CELF4: variants seen among roughly 807,000 people sequenced by gnomAD.
The protein encoded by CELF4 is CUG-BP- and ETR-3-like factor 4.
Under a neutral mutation model 59.9 loss-of-function variants are expected in CELF4, and 18 were observed. The observed-to-expected ratio is 0.30, with a 90% CI of 0.21 to 0.45. The LOEUF (loss-of-function observed/expected upper bound fraction) is 0.45, where lower values mean the gene tolerates loss of function less well. CELF4 is among the 20% of genes least tolerant of loss of function. CELF4 has a pLI of 1.00. For synonymous variants in CELF4, 261 were observed against 267.1 expected (o/e 0.98, Z 0.22); for missense variants, 456 against 689.0 (o/e 0.66, Z 3.79).
intron 2 of CELF4, among the ~76,000 whole-genome samples, chr18:37,353,099 C>T (rs866402082): frequency 4.2e-4 from 63 of 151,682 alleles, no homozygotes; most frequent in Middle Eastern, 3.4e-3. Context: ...CACGTGCCTG[C>T]AGTCCCAGCT....
chr18:37,427,482 G>T (rs1035142711), intron 2 of CELF4, among the ~76,000 whole-genome samples: 1 of 152,132 alleles, frequency 6.6e-6, no homozygotes, highest in Non-Finnish European at 1.5e-5. Flanking sequence ...GGGGAACTGT[G>T]GGGGAAGCCA....
At chr18:37,338,402 CACT>C (rs1189820338) in intron 2 of CELF4, among the ~76,000 whole-genome samples, 1 of 149,856 alleles carries the variant, frequency 6.7e-6, no homozygotes, top group Non-Finnish European at 1.5e-5. Flanking sequence ...CCATTGTCAC[CACT>C]ATCATTGTCA....
chr18:37,248,127 GC>G (rs2063227121), intron 12 of CELF4, among the ~76,000 whole-genome samples: 1 of 151,992 alleles, frequency 6.6e-6, no homozygotes, highest in Non-Finnish European at 1.5e-5. Context: ...AGAGAAGGCT[GC>G]AAGGGCACCC....
At chr18:37,562,135 C>A (rs1241979751) in intron 1 of CELF4, among the ~76,000 whole-genome samples, 1 of 152,168 alleles carries the variant, frequency 6.6e-6, no homozygotes, top group Admixed American at 6.5e-5. Flanking sequence ...GCCTCCCCAG[C>A]CCAACAGCCT....
chr18:37,410,077 C>G (rs374446767), intron 2 of CELF4, among the ~76,000 whole-genome samples: 2 of 152,098 alleles, frequency 1.3e-5, no homozygotes, highest in African/African-American at 4.8e-5. Flanking sequence ...CTGGACTGAG[C>G]GGCTGCCACT....
intron 9 of CELF4, among the ~76,000 whole-genome samples, chr18:37,265,765 C>T (rs150817024): frequency 6.6e-6 from 1 of 152,322 alleles, no homozygotes; most frequent in African/African-American, 2.4e-5. Context: ...GCCAGCTTCA[C>T]CTCAGTCCCC....
chr18:37,389,612 G>C (rs2099135685), intron 2 of CELF4, among the ~76,000 whole-genome samples: 1 of 152,036 alleles, frequency 6.6e-6, no homozygotes, highest in African/African-American at 2.4e-5. Flanking sequence ...GGGGAGGTGG[G>C]AAGCATAGAA....
At chr18:37,274,767 C>T in intron 5 of CELF4, 38 bp downstream of exon 5, 1 of 1,537,806 alleles carries the variant, frequency 6.5e-7, no homozygotes, top group Non-Finnish European at 8.7e-7. Flanking sequence ...CTCGGCCCGC[C>T]GCTGCCCTCG....
intron 2 of CELF4, among the ~76,000 whole-genome samples, chr18:37,350,266 C>T (rs1048154036): frequency 3.3e-5 from 5 of 152,188 alleles, no homozygotes; most frequent in African/African-American, 9.7e-5. Flanking sequence ...AGACTTTCTA[C>T]GTGAACATGA....
At chr18:37,352,510 T>C (rs2098462399) in intron 2 of CELF4, among the ~76,000 whole-genome samples, 1 of 151,836 alleles carries the variant, frequency 6.6e-6, no homozygotes, top group African/African-American at 2.4e-5. Flanking sequence ...GGAGGATCCC[T>C]TGAGGCCAGG....
intron 2 of CELF4, chr18:37,474,002 A>T (rs2099841668): frequency 2.6e-5 from 4 of 152,238 alleles, no homozygotes; most frequent in Non-Finnish European, 5.9e-5. Flanking sequence ...TCCCGATAGA[A>T]GGGACAGAGG....
intron 1 of CELF4, among the ~76,000 whole-genome samples, chr18:37,499,517 G>T (rs1440849614): frequency 6.6e-6 from 1 of 152,184 alleles, no homozygotes; most frequent in Non-Finnish European, 1.5e-5. Flanking sequence ...CCAAGAGGGT[G>T]GCAGGTCCCT....
intron 2 of CELF4, among the ~76,000 whole-genome samples, chr18:37,447,116 A>G (rs930493428): frequency 1.1e-4 from 16 of 152,326 alleles, no homozygotes; most frequent in East Asian, 9.7e-4. Context: ...AAATAATCCG[A>G]TAAAGGGCAG....
At chr18:37,381,055 C>A (rs1417856740) in intron 2 of CELF4, among the ~76,000 whole-genome samples, 1 of 151,330 alleles carries the variant, frequency 6.6e-6, no homozygotes, top group Non-Finnish European at 1.5e-5. Flanking sequence ...ATCCATCCAT[C>A]CATTCCTCTA....
At chr18:37,354,834 C>T (rs1366493249) in intron 2 of CELF4, among the ~76,000 whole-genome samples, 2 of 152,208 alleles carry the variant, frequency 1.3e-5, no homozygotes, top group South Asian at 2.1e-4. Flanking sequence ...AAATGCTCAC[C>T]CTGCTGTTCA....
chr18:37,491,954 A>T (rs1483306457), intron 1 of CELF4, among the ~76,000 whole-genome samples: 1 of 152,090 alleles, frequency 6.6e-6, no homozygotes, highest in Non-Finnish European at 1.5e-5. Flanking sequence ...AGGAAGTACA[A>T]TTTCCTGCCC....
chr18:37,252,830 A>C (rs2055471515), intron 12 of CELF4, among the ~76,000 whole-genome samples: 1 of 151,730 alleles, frequency 6.6e-6, no homozygotes, highest in African/African-American at 2.4e-5. Flanking sequence ...GCTGGCACAC[A>C]ATACTGCTGA....
At chr18:37,473,801 A>G (rs2099841108) in intron 2 of CELF4, 1 of 152,250 alleles carries the variant, frequency 6.6e-6, no homozygotes, top group South Asian at 2.1e-4. Context: ...AGGTCCCACC[A>G]ATATTATCCG....
intron 2 of CELF4, among the ~76,000 whole-genome samples, chr18:37,452,516 G>T (rs1000414487): frequency 2.0e-5 from 3 of 152,078 alleles, no homozygotes; most frequent in Non-Finnish European, 4.4e-5. Flanking sequence ...TAGGGACATA[G>T]GCTTGAGGGG....
Sources: allele counts gnomAD v4.1 joint callset (sites outside exome capture counted in the v4.1 genomes callset), GRCh38; gene constraint gnomAD v4.1.1; transcripts MANE v1.5; gene names NCBI Gene and HGNC (gene_info 2026-07-23, HGNC 2026-07-21).